NEB: variants seen among roughly 807,000 people sequenced by gnomAD.
NEB encodes nemaline myopathy type 2.
NEB carries 512 observed loss-of-function variants against 952.2 expected under a neutral mutation model. That is an observed-to-expected ratio of 0.54 (90% CI 0.50 to 0.58). The LOEUF (loss-of-function observed/expected upper bound fraction) is 0.58. Ranked by LOEUF, NEB falls within the 20% of genes least tolerant of loss-of-function variation. The pLI, the probability that NEB is intolerant of heterozygous loss-of-function variation, is 0.00. For missense variants in NEB, 8,428 were observed against 9,231.1 expected, an observed-to-expected ratio of 0.91 and a Z score of 3.56; for synonymous variants, 2,900 against 3,149.8, an observed-to-expected ratio of 0.92 and a Z score of 2.66.
At chr2:151,648,689 C>G (rs1225647836) in intron 54 of NEB, among the ~76,000 whole-genome samples, 1 of 152,200 alleles carries the variant, frequency 6.6e-6, no homozygotes, top group Admixed American at 6.5e-5. Context: ...ATGCCAGTAG[C>G]ATGCCACTCC....
rs188169532 is a variant in NEB at position 151,716,799 on chromosome 2, G to T, written c.822+617C>A. 2.8e-3 allele frequency among the ~76,000 whole-genome samples: 422 copies of T among 152,274 alleles called. 2 individuals are homozygous for T. The highest frequency in any genetic ancestry group is 4.2e-3 in the Non-Finnish European group (283 of 68,022). Reference sequence around the variant, plus strand: ...AGTATTTAAAAGCAGCAGTATCCCAGGAGAAAGTGGTCTGATTTGGACCAA... The same window carrying T: ...AGTATTTAAAAGCAGCAGTATCCCATGAGAAAGTGGTCTGATTTGGACCAA... On this transcript the variant is annotated intron_variant, in intron 10 of 181. Coordinates refer to ENST00000397345, the MANE Select transcript of NEB (RefSeq NM_001164508.2).
In NEB at chr2:151,500,394, TGATATA is replaced by T. The variant is rs2063498160; in HGVS notation, c.24021+991_24021+996del. ...ACAGGTATAAGTGAACCTAAGGTCT[TGATATA>T]GAAGCTTCAGAGTTGTATATAATAC... On this transcript the variant is annotated intron_variant, in intron 168 of 181. Coordinates refer to ENST00000397345, the MANE Select transcript of NEB (RefSeq NM_001164508.2). Among the ~76,000 whole-genome samples, 11 of 150,378 alleles carry T rather than the reference TGATATA, an allele frequency of 7.3e-5. No homozygotes were observed. The South Asian group carries it at 2.3e-3, about 32-fold the overall frequency.
At position 151,513,680 on chromosome 2, in the gene NEB, C is replaced by T. The variant is rs200963111; in HGVS notation, c.23141G>A (p.Arg7714Gln). 212 of 1,599,716 alleles carry T rather than the reference C, an allele frequency of 1.3e-4. No individual in the cohort carries two copies. In the African/African-American group the frequency reaches 2.4e-3, roughly 18 times the overall value. ...TCCTTTGACTTCCAGTTCCAGGTCT[C>T]GCTTATATTCTTTCTATAGTAGCAT... is the stretch of plus-strand genomic sequence containing the variant. ...TQILNEKEYK[R>Q]DLELEVKGRG... is the part of the protein sequence containing the mutation. The change falls in exon 160 of 182, where the codon CGA becomes CAA. Residue 7714 changes from arginine (R) to glutamine (Q), a missense_variant. By Grantham distance (43) the Arg-to-Gln change is conservative. Coordinates refer to ENST00000397345, the MANE Select transcript of NEB (RefSeq NM_001164508.2).
chr2:151,591,746 T>C (rs2153869352), intron 95 of NEB, among the ~76,000 whole-genome samples: 1 of 152,428 alleles, frequency 6.6e-6, no homozygotes, highest in South Asian at 2.1e-4. Flanking sequence ...GAAAAAGCAA[T>C]GATGGATGGC....
Position 151,562,663 on chromosome 2 carries a change from A to G in NEB, c.18839T>C (p.Leu6280Pro), listed in dbSNP as rs372271428. The G allele has an allele frequency of 5.0e-6, 8 of 1,599,416 alleles. No individual in the cohort carries two copies. In the African/African-American group the frequency reaches 9.4e-5, roughly 19 times the overall value. Reference sequence around the variant, plus strand: ...GACGCGTATAACATTGGGTTCTTCCAGAAGAGACGTCCACTGGTGGAAATA... The same window carrying G: ...GACGCGTATAACATTGGGTTCTTCCGGAAGAGACGTCCACTGGTGGAAATA... Reference protein sequence around the residue: ...RHYFHQWTSLLEEPNVIRVRN... With the variant: ...RHYFHQWTSLPEEPNVIRVRN... Residue 6280 changes from leucine (L) to proline (P), a missense_variant, in exon 120 of 182, where the codon CTG becomes CCG. By Grantham distance (98) the Leu-to-Pro change is moderately conservative. This residue lies in a region of NEB where 3,374 missense variants were observed against 3,651.5 expected (regional missense o/e 0.92). Transcript: ENST00000397345.
At chr2:151,576,601 A>T (rs1223622092) in intron 105 of NEB, among the ~76,000 whole-genome samples, 1 of 132,024 alleles carries the variant, frequency 7.6e-6, no homozygotes, top group Non-Finnish European at 1.5e-5. Context: ...GCACAATCTC[A>T]GCTCACTACA....
intron 26 of NEB, 32 bp downstream of exon 26, chr2:151,687,594 T>TCCAGGTCC (rs1323709753): frequency 5.0e-6 from 8 of 1,613,518 alleles, no homozygotes; most frequent in South Asian, 2.2e-5. Flanking sequence ...GGCCACCCTG[T>TCCAGGTCC]CCAGGTCCCC....
intron 107 of NEB, 139 bp downstream of exon 107, chr2:151,575,556 G>A (rs1320537806): frequency 3.1e-5 from 20 of 652,454 alleles, no homozygotes; most frequent in South Asian, 4.0e-5. Flanking sequence ...CTCACTCCTA[G>A]TCAAGGGGTG....
Position 151,578,675 on chromosome 2 carries a change from G to A in NEB, c.16704+663C>T, listed in dbSNP as rs545176211. 7.3e-5 allele frequency among the ~76,000 whole-genome samples: 11 copies of A among 150,448 alleles called. No individual in the cohort carries two copies. The South Asian group carries it at 2.1e-3, about 29-fold the overall frequency. ...GGAGGGAAAGAGACAAGGAGGGAAG[G>A]AGGGAAGGAAGGAAGGAAGGAGAGA... On this transcript the variant is annotated intron_variant, in intron 105 of 181. Coordinates refer to ENST00000397345, the MANE Select transcript of NEB (RefSeq NM_001164508.2).
Position 151,576,167 on chromosome 2 carries a change from G to T in NEB, c.16892C>A (p.Ala5631Asp). 6.3e-7 allele frequency: 1 copy of T among 1,596,054 alleles called. No homozygotes were observed. The highest frequency in any genetic ancestry group is 1.1e-5 in the South Asian group (1 of 87,430). ...TPEVVLAKSN[A>D]ENISIPKYRE... is the part of the protein sequence containing the mutation. ...CTAACTCACAATACTAATATTTTCAGCATTTGATTTAGCAAGGACCACTTC... is the reference window on the plus strand; with the variant it reads ...CTAACTCACAATACTAATATTTTCATCATTTGATTTAGCAAGGACCACTTC... The change falls in exon 106 of 182, where the codon GCT (alanine) becomes GAT (aspartate). Residue 5631 changes from alanine (A) to aspartate (D), a missense_variant. Physicochemically the swap from Ala to Asp is moderately radical, Grantham distance 126 (BLOSUM62 -2). Coordinates refer to ENST00000397345, the MANE Select transcript of NEB (RefSeq NM_001164508.2).
intron 107 of NEB, among the ~76,000 whole-genome samples, chr2:151,571,577 G>A (rs1578066775): frequency 1.3e-5 from 2 of 152,032 alleles, no homozygotes; most frequent in African/African-American, 4.8e-5. Flanking sequence ...TATGATTAAT[G>A]ATCCATATCA....
chr2:151,552,583 C>A, intron 128 of NEB, 89 bp downstream of exon 128: 1 of 835,832 alleles, frequency 1.2e-6, no homozygotes, highest in Non-Finnish European at 2.0e-6. Context: ...AAAGACTTGG[C>A]ACTGCCCAGT....
chr2:151,691,241 C>G (rs930340496), intron 23 of NEB, among the ~76,000 whole-genome samples: 16 of 152,130 alleles, frequency 1.1e-4, no homozygotes, highest in Admixed American at 5.9e-4. Flanking sequence ...TCCTTAAATG[C>G]TGAGCTTGTT....
At chr2:151,573,059 T>C (rs59723161) in intron 107 of NEB, among the ~76,000 whole-genome samples, 33,299 of 152,098 alleles carry the variant, frequency 0.22, 4,385 homozygotes, top group Admixed American at 0.36. Flanking sequence ...ATTTGCTTTG[T>C]TACCCATAAA....
intron 133 of NEB, 25 bp from the exon 134 acceptor site, chr2:151,546,468 G>C: frequency 6.8e-7 from 1 of 1,471,558 alleles, no homozygotes; most frequent in Non-Finnish European, 9.5e-7. Context: ...CAGAAATATA[G>C]CTGGTCATAA....
chr2:151,679,801 A>G lies in NEB; in HGVS notation c.3175T>C (p.Leu1059=), dbSNP rs1449746588. Residue 1059 remains leucine (L), a synonymous_variant, in exon 32 of 182, where the codon TTG becomes CTG. Coordinates refer to ENST00000397345, the MANE Select transcript of NEB (RefSeq NM_001164508.2). The part of the protein sequence containing the change: ...ENMYKADLKD[L]SKKGYDLRTD... Reference sequence around the variant, plus strand: ...CTCAGGTCATATCCCTTCTTGCTCAAGTCTTTCAAGTCTGCTTTGTACATA... The same window carrying G: ...CTCAGGTCATATCCCTTCTTGCTCAGGTCTTTCAAGTCTGCTTTGTACATA... 3.1e-6 allele frequency: 5 copies of G among 1,613,844 alleles called. No homozygotes were observed. In the South Asian group the frequency reaches 5.5e-5, roughly 18 times the overall value.
intron 155 of NEB, 35 bp from the exon 156 acceptor site, chr2:151,518,457 G>GA: frequency 7.8e-7 from 1 of 1,281,270 alleles, no homozygotes; most frequent in African/African-American, 1.5e-5. Context: ...CACATTGATG[G>GA]AGAAGCTGCT....
intron 77 of NEB, among the ~76,000 whole-genome samples, chr2:151,613,021 T>C (rs2098055277): frequency 6.6e-6 from 1 of 152,190 alleles, no homozygotes; most frequent in Non-Finnish European, 1.5e-5. Flanking sequence ...AAACAACTGG[T>C]TGAAGGAAAA....
rs1457088076 is a variant in NEB at position 151,684,949 on chromosome 2, C to T, written c.2664G>A (p.Lys888=). 1.2e-6 allele frequency: 2 copies of T among 1,610,738 alleles called. No homozygotes were observed. The highest frequency in any genetic ancestry group is 3.4e-5 in the Admixed American group (2 of 59,550). Residue 888 remains lysine, a synonymous_variant, in exon 28 of 182, where the codon AAG becomes AAA. Transcript: ENST00000397345. ...SDREYRKDYE[K]SKTIYTAPLD... is the part of the protein sequence containing the mutation. Reference sequence around the variant, plus strand: ...GAGGTGCCGTGTAGATAGTTTTTGACTTTTCATAATCTTTTCGATATTCGC... The same window carrying T: ...GAGGTGCCGTGTAGATAGTTTTTGATTTTTCATAATCTTTTCGATATTCGC...
Sources: allele counts gnomAD v4.1 joint callset (sites outside exome capture counted in the v4.1 genomes callset), GRCh38; gene constraint gnomAD v4.1.1; regional missense constraint gnomAD v4.1.1; transcripts MANE v1.5; gene names NCBI Gene and HGNC (gene_info 2026-07-23, HGNC 2026-07-21).